DNAH11: variants seen among roughly 807,000 people sequenced by gnomAD.
DNAH11 encodes the protein dynein axonemal heavy chain 11.
In DNAH11, 442 loss-of-function variants were observed where a neutral mutation model predicts 526.0. The ratio of observed to expected loss-of-function variants is 0.84; its 90% CI spans 0.78 to 0.91. The LOEUF (loss-of-function observed/expected upper bound fraction) is 0.91, where lower values mean the gene tolerates loss of function less well. DNAH11 is among the 40% of genes least tolerant of loss of function. The probability of loss-of-function intolerance (pLI) is 0.00; values close to 1 mark genes in which losing one functional copy is unlikely to be tolerated. For missense variants in DNAH11, 6,989 were observed against 5,448.7 expected, an observed-to-expected ratio of 1.28 and a Z score of -8.90; for synonymous variants, 2,461 against 1,935.9, an observed-to-expected ratio of 1.27 and a Z score of -7.12.
intron 2 of DNAH11, among the ~76,000 whole-genome samples, chr7:21,550,998 A>T (rs773280501): frequency 6.6e-6 from 1 of 152,172 alleles, no homozygotes; most frequent in Non-Finnish European, 1.5e-5. Context: ...CAACTTCCAC[A>T]TACTTATTTA....
intron 28 of DNAH11, 40 bp downstream of exon 28, chr7:21,639,105 G>A (rs756833093): frequency 1.9e-6 from 3 of 1,567,834 alleles, no homozygotes; most frequent in Non-Finnish European, 2.6e-6. Context: ...TACTGTGTTA[G>A]CTGAGGAATG....
intron 48 of DNAH11, 103 bp from the exon 49 acceptor site, chr7:21,741,824 G>A (rs1785911479): frequency 2.3e-6 from 3 of 1,318,786 alleles, no homozygotes; most frequent in Non-Finnish European, 3.1e-6. Context: ...AAAGCTACAT[G>A]GTAATGGGCC....
intron 74 of DNAH11, 71 bp from the exon 75 acceptor site, chr7:21,880,631 T>C: frequency 1.3e-6 from 2 of 1,539,844 alleles, no homozygotes; most frequent in South Asian, 1.2e-5. Flanking sequence ...ACAAGATTAT[T>C]GAAAACGCAG....
At chr7:21,734,489 C>G (rs1205574310) in intron 45 of DNAH11, among the ~76,000 whole-genome samples, 1 of 152,172 alleles carries the variant, frequency 6.6e-6, no homozygotes, top group African/African-American at 2.4e-5. Flanking sequence ...TTAGTAAGCC[C>G]TGAGTATCAC....
In DNAH11 at chr7:21,615,203, A is replaced by G; in HGVS notation, c.3942A>G (p.Lys1314=). Residue 1314 remains lysine (K), a synonymous_variant, in exon 21 of 82, where the codon AAA becomes AAG. Transcript: ENST00000409508. ...RLFEVALPEY[K]QMKQCRKEIK... is the part of the protein sequence containing the mutation. ...TTGAAGTGGCTCTTCCAGAGTACAA[A>G]CAAATGAAACAGTGTCGCAAAGAAA... is the stretch of plus-strand genomic sequence containing the variant. 1 of 1,613,572 alleles carries G rather than the reference A, an allele frequency of 6.2e-7. No homozygotes were observed.
intron 74 of DNAH11, among the ~76,000 whole-genome samples, chr7:21,879,730 C>A (rs948012624): frequency 2.6e-5 from 4 of 152,128 alleles, no homozygotes; most frequent in African/African-American, 9.7e-5. Context: ...ATGGGTGCCC[C>A]TGCCATACCT....
In DNAH11 at chr7:21,791,680, C is replaced by T. The variant is rs145596099; in HGVS notation, c.10026+2338C>T. On this transcript the variant is annotated intron_variant, in intron 61 of 81. Coordinates refer to ENST00000409508, the MANE Select transcript of DNAH11 (RefSeq NM_001277115.2). ...TAGGTATTTCTTTCCATCATTCCCA[C>T]CTATGATTCCTGATGCATTAAGATA... 7.6e-3 allele frequency among the ~76,000 whole-genome samples: 1,161 copies of T among 152,294 alleles called. 7 individuals carry two copies. The highest frequency in any genetic ancestry group is 0.044 in the Middle Eastern group (13 of 294).
intron 56 of DNAH11, among the ~76,000 whole-genome samples, chr7:21,776,174 T>C (rs1416484253): frequency 6.6e-6 from 1 of 152,190 alleles, no homozygotes; most frequent in African/African-American, 2.4e-5. Flanking sequence ...TGCTTGGGTC[T>C]CTTTACTTCC....
At chr7:21,768,687 C>A (rs1242079257) in intron 55 of DNAH11, among the ~76,000 whole-genome samples, 2 of 152,182 alleles carry the variant, frequency 1.3e-5, no homozygotes, top group Non-Finnish European at 2.9e-5. Flanking sequence ...AGTTTGGTAG[C>A]TTGTGAAGGA....
intron 73 of DNAH11, among the ~76,000 whole-genome samples, chr7:21,871,877 C>T (rs1004696673): frequency 6.6e-6 from 1 of 151,828 alleles, no homozygotes; most frequent in African/African-American, 2.4e-5. Flanking sequence ...AATCCCAGCA[C>T]TTTGGGAGGC....
intron 34 of DNAH11, among the ~76,000 whole-genome samples, chr7:21,689,363 T>C (rs1200296187): frequency 6.6e-6 from 1 of 152,266 alleles, no homozygotes; most frequent in Non-Finnish European, 1.5e-5. Flanking sequence ...TGAATGTCTG[T>C]AGGTCTGCTC....
intron 51 of DNAH11, among the ~76,000 whole-genome samples, chr7:21,746,965 C>T (rs1351842617): frequency 6.6e-6 from 1 of 152,152 alleles, no homozygotes; most frequent in Non-Finnish European, 1.5e-5. Context: ...TATAATCCCT[C>T]AATACAGAAT....
At chr7:21,692,351 A>G (rs1470635156) in intron 35 of DNAH11, among the ~76,000 whole-genome samples, 2 of 152,210 alleles carry the variant, frequency 1.3e-5, no homozygotes, top group Admixed American at 6.5e-5. Flanking sequence ...TGAGCCTCCC[A>G]TACCAATAAT....
intron 76 of DNAH11, among the ~76,000 whole-genome samples, chr7:21,887,049 T>C (rs1784150026): frequency 1.3e-5 from 2 of 152,240 alleles, no homozygotes; most frequent in African/African-American, 4.8e-5. Context: ...ATCTAACACT[T>C]CATCTGCAGG....
intron 14 of DNAH11, among the ~76,000 whole-genome samples, chr7:21,598,527 A>G (rs907999024): frequency 2.1e-4 from 32 of 152,250 alleles, no homozygotes; most frequent in African/African-American, 7.5e-4. Flanking sequence ...GAACTTCCCT[A>G]GTCCAGTGTT....
At chr7:21,881,347 C>A (rs1326971475) in intron 75 of DNAH11, among the ~76,000 whole-genome samples, 1 of 152,178 alleles carries the variant, frequency 6.6e-6, no homozygotes, top group Admixed American at 6.5e-5. Context: ...GCATTTCCTG[C>A]ATATGTCATT....
intron 1 of DNAH11, chr7:21,543,871 G>T: frequency 2.1e-6 from 1 of 480,902 alleles, no homozygotes; most frequent in Non-Finnish European, 3.6e-6. Flanking sequence ...GAACACCAGC[G>T]CTTTCTTTAG....
At chr7:21,673,322 A>G (rs1782720191) in intron 30 of DNAH11, among the ~76,000 whole-genome samples, 1 of 152,230 alleles carries the variant, frequency 6.6e-6, no homozygotes, top group South Asian at 2.1e-4. Context: ...TTATATTCTC[A>G]TATGTAAAAC....
intron 2 of DNAH11, 51 bp from the exon 3 acceptor site, chr7:21,558,749 TTG>T: frequency 7.3e-7 from 1 of 1,376,910 alleles, no homozygotes; most frequent in Non-Finnish European, 9.8e-7. Context: ...AAGAAAATCT[TTG>T]AAGGAATGCA....
Sources: gnomAD v4.1 joint callset for allele counts (sites outside exome capture counted in the v4.1 genomes callset) on GRCh38, gnomAD v4.1.1 for gene constraint, MANE v1.5 for transcripts, NCBI Gene and HGNC (gene_info 2026-07-23, HGNC 2026-07-21) for gene names.